The following CFAP161 variants were observed in gnomAD, a reference collection of about 807,000 sequenced individuals.
CFAP161 encodes the protein cilia and flagella associated protein 161.
CFAP161 carries 25 observed loss-of-function variants against 29.0 expected under a neutral mutation model. The observed-to-expected ratio is 0.86, with a 90% confidence interval of 0.63 to 1.20. The LOEUF is 1.20. Among genes scored for constraint, CFAP161 ranks in the 50% most tolerant of loss-of-function variants. CFAP161 has a pLI of 0.00. For missense variants in CFAP161, 367 were observed against 371.9 expected (o/e 0.99, Z 0.11); for synonymous variants, 116 against 137.4 (o/e 0.84, Z 1.09).
At chr15:81,119,039 A>G (rs551551973) in intron 1 of CFAP161, among the ~76,000 whole-genome samples, 1 of 152,336 alleles carries the variant, frequency 6.6e-6, no homozygotes, top group East Asian at 1.9e-4. Flanking sequence ...GATGTTAATT[A>G]GCAGTTTTAT....
chr15:81,121,498 AT>A (rs1406510348), intron 1 of CFAP161, among the ~76,000 whole-genome samples: 10 of 128,288 alleles, frequency 7.8e-5, no homozygotes, highest in Admixed American at 1.6e-4. Context: ...TTTTCTTATA[AT>A]TTTTTTCATC....
At chr15:81,112,032 A>G (rs1299598661) in intron 1 of CFAP161, among the ~76,000 whole-genome samples, 1 of 152,214 alleles carries the variant, frequency 6.6e-6, no homozygotes, top group African/African-American at 2.4e-5. Flanking sequence ...ATTTGACCAT[A>G]GAACCCTTTC....
chr15:81,147,290 C>A (rs1050986474), intron 5 of CFAP161, among the ~76,000 whole-genome samples: 3 of 152,060 alleles, frequency 2.0e-5, no homozygotes, highest in Non-Finnish European at 2.9e-5. Flanking sequence ...TCCTCTCCCC[C>A]CCAGTACCCG....
chr15:81,143,576 T>C, intron 4 of CFAP161, 86 bp from the exon 5 acceptor site: 2 of 1,418,748 alleles, frequency 1.4e-6, no homozygotes, highest in Non-Finnish European at 1.9e-6. Context: ...TTGAATGTGC[T>C]TGCCGTCCAG....
chr15:81,136,831 C>A, intron 3 of CFAP161, 83 bp downstream of exon 3: 2 of 1,137,994 alleles, frequency 1.8e-6, no homozygotes, highest in Admixed American at 4.3e-5. Flanking sequence ...ATTGGAGCCA[C>A]TGAGTGGAGG....
At chr15:81,108,326 C>T (rs1324817149) in intron 1 of CFAP161, among the ~76,000 whole-genome samples, 1 of 150,434 alleles carries the variant, frequency 6.6e-6, no homozygotes, top group African/African-American at 2.5e-5. Flanking sequence ...TTTTCTGAAG[C>T]CATAAGGGCC....
At chr15:81,128,958 A>G (rs75958958) in intron 2 of CFAP161, among the ~76,000 whole-genome samples, 1 of 29,392 alleles carries the variant, frequency 3.4e-5, no homozygotes, top group Non-Finnish European at 1.4e-4. Context: ...TGTCTCGAGA[A>G]AAAAAAAAAA....
chr15:81,137,667 CT>C (rs1894835533), intron 3 of CFAP161, among the ~76,000 whole-genome samples: 1 of 152,228 alleles, frequency 6.6e-6, no homozygotes, highest in African/African-American at 2.4e-5. Context: ...ATCACAACCT[CT>C]GTTATCCTGA....
At chr15:81,143,567 T>C in intron 4 of CFAP161, 95 bp from the exon 5 acceptor site, 2 of 1,355,896 alleles carry the variant, frequency 1.5e-6, no homozygotes, top group Non-Finnish European at 2.0e-6. Flanking sequence ...AGAACTGCTT[T>C]GAATGTGCTT....
chr15:81,103,085 G>GATC (rs1187471127), intron 1 of CFAP161, among the ~76,000 whole-genome samples: 1 of 151,950 alleles, frequency 6.6e-6, no homozygotes, highest in Non-Finnish European at 1.5e-5. Flanking sequence ...TGATGATGAT[G>GATC]ATGGTGATGA....
chr15:81,134,855 TACTC>T (rs113660918), intron 1 of CFAP161, among the ~76,000 whole-genome samples: 28,194 of 151,970 alleles, frequency 0.19, 3,702 homozygotes, highest in African/African-American at 0.37. Context: ...ATTGACGTTG[TACTC>T]ACTCACTGCC....
chr15:81,133,455 G>A (rs1228675786), upstream of CFAP161, among the ~76,000 whole-genome samples: 14 of 151,862 alleles, frequency 9.2e-5, no homozygotes, highest in Admixed American at 8.5e-4. Flanking sequence ...TGAAGGGAGC[G>A]GAGGCTCCTG....
At chr15:81,142,558 A>G (rs1894929392) in intron 4 of CFAP161, among the ~76,000 whole-genome samples, 1 of 152,116 alleles carries the variant, frequency 6.6e-6, no homozygotes, top group African/African-American at 2.4e-5. Flanking sequence ...CCCACAGCTC[A>G]TTGCAAATCT....
chr15:81,099,945 C>T (rs1894283436), intron 1 of CFAP161, among the ~76,000 whole-genome samples: 2 of 152,180 alleles, frequency 1.3e-5, no homozygotes, highest in African/African-American at 4.8e-5. Context: ...TAATTAGCTT[C>T]CGTCCATTTG....
intron 1 of CFAP161, among the ~76,000 whole-genome samples, chr15:81,116,784 T>C (rs1330122527): frequency 6.6e-6 from 1 of 152,178 alleles, no homozygotes; most frequent in African/African-American, 2.4e-5. Context: ...TGTAGGGCTT[T>C]AGGAATAGGG....
chr15:81,143,571 T>C, intron 4 of CFAP161, 91 bp from the exon 5 acceptor site: 1 of 1,379,494 alleles, frequency 7.2e-7, no homozygotes. Flanking sequence ...CTGCTTTGAA[T>C]GTGCTTGCCG....
chr15:81,123,672 C>T (rs1894604120), intron 1 of CFAP161, among the ~76,000 whole-genome samples: 1 of 152,180 alleles, frequency 6.6e-6, no homozygotes. Context: ...TACCCATGAG[C>T]ATAGAATGTT....
chr15:81,146,354 A>C (rs942636574), intron 5 of CFAP161, among the ~76,000 whole-genome samples: 4 of 152,190 alleles, frequency 2.6e-5, no homozygotes, highest in African/African-American at 9.7e-5. Flanking sequence ...GGAAAGCAAA[A>C]AAATAATATG....
At chr15:81,100,734 C>T (rs1022496437) in intron 1 of CFAP161, among the ~76,000 whole-genome samples, 1 of 150,740 alleles carries the variant, frequency 6.6e-6, no homozygotes, top group Admixed American at 6.6e-5. Context: ...GACACAGGCT[C>T]GCCATGTTGG....
Sources: gnomAD v4.1 joint callset for allele counts (sites outside exome capture counted in the v4.1 genomes callset) on GRCh38, gnomAD v4.1.1 for gene constraint, MANE v1.5 for transcripts, NCBI Gene and HGNC (gene_info 2026-07-23, HGNC 2026-07-21) for gene names.